Variants in FGF12 observed in about 807,000 individuals in gnomAD.
FGF12 encodes fibroblast growth factor 12, also known as fibroblast growth factor 12B.
In FGF12, 14 loss-of-function variants were observed where a neutral mutation model predicts 23.6. That is an observed-to-expected ratio of 0.59 (90% CI 0.39 to 0.93). FGF12 has a LOEUF of 0.93. Ranked by LOEUF, FGF12 falls within the 40% of genes least tolerant of loss-of-function variation. The probability of loss-of-function intolerance (pLI) is 0.00; values close to 1 mark genes in which losing one functional copy is unlikely to be tolerated. For missense variants in FGF12, 175 were observed against 217.8 expected (o/e 0.80, Z 1.24); for synonymous variants, 62 against 77.3 (o/e 0.80, Z 1.04).
intron 4 of FGF12, among the ~76,000 whole-genome samples, chr3:192,180,365 A>T (rs1277418890): frequency 1.3e-5 from 2 of 152,222 alleles, no homozygotes; most frequent in Admixed American, 1.3e-4. Context: ...TTTAGAGACG[A>T]CATATCTAGA....
chr3:192,403,718 T>A (rs1720852262), intron 2 of FGF12, among the ~76,000 whole-genome samples: 1 of 152,122 alleles, frequency 6.6e-6, no homozygotes, highest in Non-Finnish European at 1.5e-5. Flanking sequence ...TGGCCAAAAC[T>A]ATTTCAATTT....
At chr3:192,432,916 C>G (rs1278102914) in intron 2 of FGF12, among the ~76,000 whole-genome samples, 3 of 152,114 alleles carry the variant, frequency 2.0e-5, no homozygotes, top group Non-Finnish European at 4.4e-5. Flanking sequence ...TACACCTTCC[C>G]TAAATGAAGT....
intron 4 of FGF12, among the ~76,000 whole-genome samples, chr3:192,255,108 C>T (rs1014392506): frequency 2.0e-5 from 3 of 151,900 alleles, no homozygotes; most frequent in African/African-American, 7.2e-5. Context: ...ATTGCTGATG[C>T]CTCAGTTTCC....
chr3:192,583,454 G>A (rs1713246781), intron 2 of FGF12, among the ~76,000 whole-genome samples: 1 of 152,142 alleles, frequency 6.6e-6, no homozygotes, highest in Non-Finnish European at 1.5e-5. Flanking sequence ...TCTTTGATTT[G>A]CTTTAGTGGT....
rs147961080 is a variant in FGF12 at position 192,488,339 on chromosome 3, T to C, written c.14-127801A>G. Among the ~76,000 whole-genome samples the C allele has an allele frequency of 1.5e-3, 226 of 152,086 alleles. 1 individual carries two copies. The highest frequency in any genetic ancestry group is 4.7e-3 in the African/African-American group (196 of 41,520). On this transcript the variant is annotated intron_variant, in intron 2 of 5. Coordinates refer to ENST00000445105, the MANE Select transcript of FGF12 (RefSeq NM_004113.6). ...CATCACTAATAACCACATACGAAAA[T>C]AGAGTTACCTAAATATTGCTTAACC...
At position 192,408,114 on chromosome 3, in the gene FGF12, C is replaced by G; in HGVS notation, c.14-47576G>C. 6.2e-7 allele frequency: 1 copy of G among 1,613,134 alleles called. No homozygotes were observed. On this transcript the variant is annotated intron_variant, in intron 2 of 5. Coordinates refer to ENST00000445105, the MANE Select transcript of FGF12 (RefSeq NM_004113.6). This position sits in a 1 kb window ranked among gnomAD's most constrained non-coding sequence, Gnocchi z 7.3. ...GACGTGCCTCTCGCACAGGGAGCGC[C>G]CGTCTTTGCTGGGGCTGGAGCGGCG...
intron 2 of FGF12, among the ~76,000 whole-genome samples, chr3:192,633,637 G>A (rs1385624734): frequency 6.6e-6 from 1 of 152,148 alleles, no homozygotes; most frequent in Non-Finnish European, 1.5e-5. Context: ...ATGTGCTGCT[G>A]TAGCACTGGA....
chr3:192,667,350 TC>T (rs1446976658), intron 2 of FGF12, among the ~76,000 whole-genome samples: 1 of 151,924 alleles, frequency 6.6e-6, no homozygotes, highest in African/African-American at 2.4e-5. Flanking sequence ...ACACCTGTAA[TC>T]CCAGCAGTTT....
chr3:192,386,491 C>T (rs56059840), intron 2 of FGF12, among the ~76,000 whole-genome samples: 2,536 of 152,204 alleles, frequency 0.017, 27 homozygotes, highest in Middle Eastern at 0.075. Flanking sequence ...CCATCCAAAA[C>T]AGCATTCAAA....
At chr3:192,282,205 G>T (rs749622961) in intron 4 of FGF12, among the ~76,000 whole-genome samples, 3 of 152,128 alleles carry the variant, frequency 2.0e-5, no homozygotes, top group Non-Finnish European at 4.4e-5. Context: ...TTTGTTCTCA[G>T]ATTTCTTGCC....
chr3:192,520,541 TCTTTA>T (rs1315849396), intron 2 of FGF12, among the ~76,000 whole-genome samples: 1 of 152,246 alleles, frequency 6.6e-6, no homozygotes, highest in Non-Finnish European at 1.5e-5. Flanking sequence ...TTAGGTTGCT[TCTTTA>T]CTTGCCCATC....
At chr3:192,337,708 T>C (rs542092600) in intron 3 of FGF12, among the ~76,000 whole-genome samples, 1 of 152,324 alleles carries the variant, frequency 6.6e-6, no homozygotes, top group East Asian at 1.9e-4. Flanking sequence ...ACAGAGTTGA[T>C]AGAACCAAAT....
At chr3:192,432,620 C>CAAAAAAAAAAAAAAAA (rs201364119) in intron 2 of FGF12, among the ~76,000 whole-genome samples, 4 of 106,714 alleles carry the variant, frequency 3.7e-5, no homozygotes, top group Non-Finnish European at 5.6e-5. Context: ...TGACATCTGG[C>CAAAAAAAAAAAAAAAA]AAAAAAAAAA....
At chr3:192,240,495 T>G (rs150491678) in intron 4 of FGF12, among the ~76,000 whole-genome samples, 212 of 152,296 alleles carry the variant, frequency 1.4e-3, no homozygotes, top group African/African-American at 4.6e-3. Context: ...AAATGTAAAC[T>G]TAGCTGTTAT....
intron 2 of FGF12, among the ~76,000 whole-genome samples, chr3:192,375,838 T>C (rs146717730): frequency 6.6e-6 from 1 of 151,588 alleles, no homozygotes; most frequent in African/African-American, 2.4e-5. Flanking sequence ...CTCAGCATTC[T>C]GGAAAAAAAT....
At chr3:192,293,101 A>G (rs1231571798) in intron 4 of FGF12, among the ~76,000 whole-genome samples, 1 of 152,150 alleles carries the variant, frequency 6.6e-6, no homozygotes, top group African/African-American at 2.4e-5. Flanking sequence ...TTTTGATCAT[A>G]TGATCTCTCA....
At chr3:192,355,679 G>A (rs898625163) in intron 3 of FGF12, among the ~76,000 whole-genome samples, 1 of 152,174 alleles carries the variant, frequency 6.6e-6, no homozygotes, top group Non-Finnish European at 1.5e-5. Flanking sequence ...ATGTGAATCT[G>A]CCCCAGATTG....
At chr3:192,333,383 G>C (rs1717224291) in intron 4 of FGF12, among the ~76,000 whole-genome samples, 1 of 151,948 alleles carries the variant, frequency 6.6e-6, no homozygotes, top group South Asian at 2.1e-4. Flanking sequence ...TTTAAAGTAA[G>C]ACTAACTAGA....
intron 2 of FGF12, among the ~76,000 whole-genome samples, chr3:192,481,928 C>T (rs977458453): frequency 6.6e-6 from 1 of 152,134 alleles, no homozygotes; most frequent in Admixed American, 6.5e-5. Flanking sequence ...ACCTTAAAGA[C>T]TGCTGGGTAT....
Sources: gnomAD v4.1 joint callset for allele counts (sites outside exome capture counted in the v4.1 genomes callset) on GRCh38, gnomAD v4.1.1 for gene constraint, Gnocchi (gnomAD v3.1) non-coding constraint, MANE v1.5 for transcripts, NCBI Gene and HGNC (gene_info 2026-07-23, HGNC 2026-07-21) for gene names.